The following MAN2A1 variants were observed in gnomAD, a reference collection of about 807,000 sequenced individuals.
MAN2A1 encodes the protein mannosidase alpha class 2A member 1, also known as alpha-mannosidase 2.
Under a neutral mutation model 142.6 loss-of-function variants are expected in MAN2A1, and 76 were observed. That is an observed-to-expected ratio of 0.53 (90% confidence interval 0.44 to 0.65). The LOEUF (loss-of-function observed/expected upper bound fraction) is 0.65. Ranked by LOEUF, MAN2A1 falls within the 30% of genes least tolerant of loss-of-function variation. MAN2A1 has a pLI of 0.00. For missense variants in MAN2A1, 1,311 were observed against 1,365.1 expected, an observed-to-expected ratio of 0.96 and a Z score of 0.62; for synonymous variants, 559 against 473.2, an observed-to-expected ratio of 1.18 and a Z score of -2.35.
intron 1 of MAN2A1, among the ~76,000 whole-genome samples, chr5:109,692,061 C>T (rs1284403138): frequency 6.6e-6 from 1 of 152,050 alleles, no homozygotes; most frequent in East Asian, 1.9e-4. Flanking sequence ...AAAATAATGT[C>T]CTTTGGCTTT....
intron 16 of MAN2A1, among the ~76,000 whole-genome samples, chr5:109,838,880 C>G (rs2112752470): frequency 6.6e-6 from 1 of 152,284 alleles, no homozygotes; most frequent in Non-Finnish European, 1.5e-5. Flanking sequence ...AGATGATTTT[C>G]TCAACAGAAA....
chr5:109,727,374 T>C (rs1262875153), intron 3 of MAN2A1, among the ~76,000 whole-genome samples: 1 of 152,102 alleles, frequency 6.6e-6, no homozygotes, highest in African/African-American at 2.4e-5. Context: ...TAATCTCCTT[T>C]TGTTATAAGT....
intron 5 of MAN2A1, among the ~76,000 whole-genome samples, chr5:109,756,647 C>T: frequency 6.6e-6 from 1 of 152,076 alleles, no homozygotes; most frequent in East Asian, 1.9e-4. Flanking sequence ...TGTAGTGGTG[C>T]TGGTATTTCT....
At chr5:109,774,383 A>G (rs945639089) in intron 7 of MAN2A1, among the ~76,000 whole-genome samples, 2 of 152,130 alleles carry the variant, frequency 1.3e-5, no homozygotes, top group Non-Finnish European at 1.5e-5. Flanking sequence ...AAGTCTGTAT[A>G]TGTGGGAAGT....
chr5:109,864,755 A>G (rs1230636201), intron 20 of MAN2A1: 6 of 368,054 alleles, frequency 1.6e-5, no homozygotes, highest in East Asian at 1.4e-4. Flanking sequence ...ATGTATGGAC[A>G]TAAGGAAACC....
intron 4 of MAN2A1, among the ~76,000 whole-genome samples, chr5:109,738,057 CATCT>C (rs924766081): frequency 1.3e-5 from 2 of 152,102 alleles, no homozygotes; most frequent in Admixed American, 1.3e-4. Context: ...TTTGTACCTT[CATCT>C]AATGTTTCTT....
intron 10 of MAN2A1, among the ~76,000 whole-genome samples, chr5:109,787,591 A>G (rs1377281824): frequency 2.6e-5 from 4 of 152,028 alleles, no homozygotes; most frequent in African/African-American, 9.7e-5. Context: ...TTTAGTACTC[A>G]TCTTATGAGA....
intron 9 of MAN2A1, 114 bp downstream of exon 9, chr5:109,781,712 CTCTAATTAAGCACTTAGTGTAATTGTGAA>C: frequency 1.7e-6 from 1 of 574,778 alleles, no homozygotes; most frequent in Non-Finnish European, 2.7e-6. Flanking sequence ...TAGTGTTAAG[CTCTAATTAAGCACTTAGTGTAATTGTGAA>C]ATTTTAATGC....
chr5:109,748,424 A>G (rs1752461446), intron 4 of MAN2A1, among the ~76,000 whole-genome samples: 2 of 146,782 alleles, frequency 1.4e-5, no homozygotes, highest in African/African-American at 5.0e-5. Flanking sequence ...TTGCATTATC[A>G]GTACCCATTT....
chr5:109,697,555 T>C (rs1280452448), intron 1 of MAN2A1, among the ~76,000 whole-genome samples: 1 of 152,228 alleles, frequency 6.6e-6, no homozygotes. Flanking sequence ...GTGCTAAGAA[T>C]GGTTTTTACA....
intron 19 of MAN2A1, among the ~76,000 whole-genome samples, chr5:109,848,462 T>C (rs1206367819): frequency 6.6e-6 from 1 of 152,218 alleles, no homozygotes; most frequent in African/African-American, 2.4e-5. Context: ...CCATTGCAAG[T>C]CCTTTCTGCT....
At chr5:109,767,901 A>G (rs995319697) in intron 6 of MAN2A1, among the ~76,000 whole-genome samples, 193 bp downstream of exon 6, 1 of 152,180 alleles carries the variant, frequency 6.6e-6, no homozygotes, top group Non-Finnish European at 1.5e-5. Flanking sequence ...GCAGATATTT[A>G]TAGAGCATAG....
intron 8 of MAN2A1, among the ~76,000 whole-genome samples, chr5:109,779,390 C>G (rs1224342800): frequency 2.0e-5 from 3 of 151,802 alleles, no homozygotes; most frequent in African/African-American, 7.3e-5. Flanking sequence ...AAATAAAATC[C>G]TTTGTTTTAT....
intron 20 of MAN2A1, chr5:109,863,209 G>A (rs1755799103): frequency 6.6e-6 from 1 of 152,164 alleles, no homozygotes; most frequent in Non-Finnish European, 1.5e-5. Flanking sequence ...TCTGAATCCA[G>A]ACTTTGTTAT....
intron 6 of MAN2A1, 135 bp downstream of exon 6, chr5:109,767,843 T>A: frequency 1.5e-6 from 1 of 666,814 alleles, no homozygotes; most frequent in Non-Finnish European, 2.5e-6. Context: ...GTCACTCTCG[T>A]AATTATTTTT....
At chr5:109,701,116 A>G (rs1272104618) in intron 1 of MAN2A1, among the ~76,000 whole-genome samples, 1 of 152,218 alleles carries the variant, frequency 6.6e-6, no homozygotes, top group Non-Finnish European at 1.5e-5. Context: ...AGGTTCTGGG[A>G]ATACAGGAGC....
intron 6 of MAN2A1, among the ~76,000 whole-genome samples, chr5:109,769,601 G>A (rs1753086505): frequency 6.6e-6 from 1 of 152,158 alleles, no homozygotes; most frequent in Non-Finnish European, 1.5e-5. Flanking sequence ...ACCTCTCCAG[G>A]CCAACATGTG....
At chr5:109,717,262 G>C (rs1751482842) in intron 3 of MAN2A1, among the ~76,000 whole-genome samples, 1 of 151,996 alleles carries the variant, frequency 6.6e-6, no homozygotes, top group South Asian at 2.1e-4. Context: ...TTTATTGGCA[G>C]ATATTCCTAT....
intron 17 of MAN2A1, 124 bp from the exon 18 acceptor site, chr5:109,845,741 C>G (rs1406128163): frequency 1.6e-6 from 1 of 614,466 alleles, no homozygotes; most frequent in Non-Finnish European, 2.6e-6. Flanking sequence ...TAAATTATTT[C>G]TTCCACTGAA....
Sources: allele counts gnomAD v4.1 joint callset (sites outside exome capture counted in the v4.1 genomes callset), GRCh38; gene constraint gnomAD v4.1.1; transcripts MANE v1.5; gene names NCBI Gene and HGNC (gene_info 2026-07-23, HGNC 2026-07-21).